MICU3: variants seen among roughly 807,000 people sequenced by gnomAD.
MICU3 encodes calcium uptake protein 3, mitochondrial.
In MICU3, 62 loss-of-function variants were observed where a neutral mutation model predicts 66.5. That is an observed-to-expected ratio of 0.93 (90% CI 0.76 to 1.15). MICU3 has a LOEUF of 1.15. Ranked by LOEUF, MICU3 falls within the 50% of genes most tolerant of loss-of-function variation. MICU3 has a pLI of 0.00. For missense variants in MICU3, 779 were observed against 664.4 expected (o/e 1.17, Z -1.90); for synonymous variants, 308 against 240.7 (o/e 1.28, Z -2.59).
chr8:17,048,173 A>C (rs1815414282), intron 1 of MICU3, among the ~76,000 whole-genome samples: 4 of 152,228 alleles, frequency 2.6e-5, no homozygotes, highest in Admixed American at 2.6e-4. Flanking sequence ...AAAACCTAGA[A>C]TGGAAAATAT....
intron 8 of MICU3, among the ~76,000 whole-genome samples, chr8:17,096,039 C>A (rs1800644731): frequency 6.6e-6 from 1 of 151,910 alleles, no homozygotes; most frequent in African/African-American, 2.4e-5. Context: ...ACTGTATATT[C>A]TTTTACCTCT....
chr8:17,098,609 C>T (rs1180074783), intron 9 of MICU3, 56 bp downstream of exon 9: 45 of 1,157,300 alleles, frequency 3.9e-5, no homozygotes, highest in Middle Eastern at 3.9e-4. Flanking sequence ...TTAATCTAGT[C>T]GTCATTTCAT....
intron 7 of MICU3, 81 bp from the exon 8 acceptor site, chr8:17,090,465 T>C: frequency 8.1e-7 from 1 of 1,233,080 alleles, no homozygotes; most frequent in Non-Finnish European, 1.2e-6. Context: ...TATTTTGTCG[T>C]CTTTTTCCTT....
chr8:17,057,567 G>A (rs1173704057), intron 1 of MICU3, among the ~76,000 whole-genome samples: 1 of 151,978 alleles, frequency 6.6e-6, no homozygotes, highest in African/African-American at 2.4e-5. Context: ...ATTAATATAA[G>A]TTATAATCTG....
chr8:17,093,809 T>C (rs1296829243), intron 8 of MICU3, among the ~76,000 whole-genome samples: 3 of 151,992 alleles, frequency 2.0e-5, no homozygotes, highest in Non-Finnish European at 4.4e-5. Flanking sequence ...TGTTTTGTAC[T>C]ACTTACTGTT....
At position 17,121,772 on chromosome 8, in the gene MICU3, ATAT is replaced by A. The variant is rs1803213092; in HGVS notation, c.*1490_*1492del. ...TTAGACTTTTTACATTGTTTATCTA[ATAT>A]TATTTATGACAGTAATTTTAAAATA... On this transcript the variant is annotated 3_prime_UTR_variant, in exon 15 of 15. Transcript: ENST00000318063. 6.6e-6 allele frequency: 1 copy of A among 152,124 alleles called. No homozygotes were observed. The highest frequency in any genetic ancestry group is 1.9e-4 in the East Asian group (1 of 5,196). 9.4% of individuals were successfully genotyped at this position (152,124 alleles called of 1,614,324 possible).
Position 17,027,507 on chromosome 8 carries a change from G to A in MICU3, c.228G>A (p.Gly76=), listed in dbSNP as rs1374485340. Residue 76 remains glycine, a synonymous_variant, in exon 1 of 15, where the codon GGG becomes GGA. Transcript: ENST00000318063. The part of the protein sequence containing the change: ...ELSVAAAAGG[G]LVGLVCYQLY... ...GCGTGGCGGCGGCGGCCGGCGGGGG[G>A]CTGGTCGGCCTGGTATGCTACCAGC... 1.1e-5 allele frequency: 14 copies of A among 1,283,960 alleles called. No homozygotes were observed. In the East Asian group the frequency reaches 1.2e-4, roughly 11 times the overall value. 79.5% of individuals were successfully genotyped at this position (1,283,960 alleles called of 1,614,324 possible).
intron 5 of MICU3, chr8:17,082,082 A>T (rs1821265679): frequency 5.6e-6 from 1 of 179,690 alleles, no homozygotes; most frequent in Admixed American, 6.3e-5. Flanking sequence ...TGCCAGACTG[A>T]TGTGAGAGAG....
chr8:17,034,300 C>G (rs1477225784), intron 1 of MICU3, among the ~76,000 whole-genome samples: 1 of 152,186 alleles, frequency 6.6e-6, no homozygotes. Flanking sequence ...AATATTACTG[C>G]TCATTGACAA....
At chr8:17,135,171 C>A in the MICU3 span, among the ~76,000 whole-genome samples, 173 of 152,208 alleles carry the variant, frequency 1.1e-3, no homozygotes, top group African/African-American at 3.8e-3. Flanking sequence ...AAGGCCAGGG[C>A]AGGTGGACCA....
chr8:17,065,254 A>G (rs1650151584), intron 2 of MICU3, among the ~76,000 whole-genome samples: 1 of 152,198 alleles, frequency 6.6e-6, no homozygotes, highest in Admixed American at 6.6e-5. Flanking sequence ...AGACAGCAAT[A>G]TGGCAAAAAT....
At chr8:17,071,741 A>C (rs1171323823) in intron 3 of MICU3, among the ~76,000 whole-genome samples, 1 of 152,208 alleles carries the variant, frequency 6.6e-6, no homozygotes, top group Non-Finnish European at 1.5e-5. Context: ...ATATAACAGC[A>C]ATAAACCAAA....
At chr8:17,089,638 C>T (rs1055882150) in intron 7 of MICU3, among the ~76,000 whole-genome samples, 1 of 151,954 alleles carries the variant, frequency 6.6e-6, no homozygotes, top group African/African-American at 2.4e-5. Context: ...GAGTATTAGC[C>T]CTGCCACTCA....
At chr8:17,075,036 A>G (rs1046894206) in intron 3 of MICU3, among the ~76,000 whole-genome samples, 1 of 152,114 alleles carries the variant, frequency 6.6e-6, no homozygotes, top group African/African-American at 2.4e-5. Flanking sequence ...ATGATTTGCT[A>G]TAATGAATCA....
chr8:17,068,866 A>G (rs1374845653), intron 2 of MICU3, among the ~76,000 whole-genome samples: 2 of 152,176 alleles, frequency 1.3e-5, no homozygotes, highest in East Asian at 3.8e-4. Context: ...GAAATAATTA[A>G]TATTAACCAG....
intron 3 of MICU3, 41 bp downstream of exon 3, chr8:17,069,760 G>A (rs372697343): frequency 2.7e-4 from 231 of 869,968 alleles, no homozygotes; most frequent in Non-Finnish European, 1.2e-4. Context: ...AATTTTATAT[G>A]TGCATGCATA....
At chr8:17,098,626 C>A in intron 9 of MICU3, 73 bp downstream of exon 9, 1 of 1,005,588 alleles carries the variant, frequency 9.9e-7, no homozygotes, top group South Asian at 1.3e-5. Flanking sequence ...TCATTTTAGT[C>A]ACAGTGATGA....
Position 17,120,848 on chromosome 8 carries a change from A to C in MICU3, c.*561A>C. 6.6e-6 allele frequency: 1 copy of C among 152,452 alleles called. No individual in the cohort carries two copies. Among genetic ancestry groups the C allele is most frequent in the East Asian group, 1.9e-4 (1 of 5,206 alleles). The allele number at this position is 152,452 out of a possible 1,614,324, so 9.4% of individuals were successfully genotyped here. A position where few individuals can be genotyped will look rare whatever the true frequency, so the allele number is the denominator to read the frequency against. On this transcript the variant is annotated 3_prime_UTR_variant, in exon 15 of 15. Coordinates refer to ENST00000318063, the MANE Select transcript of MICU3 (RefSeq NM_181723.3). Reference sequence around the variant, plus strand: ...AGAAATTAAGCTACTATATAAAACAATTGTTTACGTGTACTTTTAACTTTT... The same window carrying C: ...AGAAATTAAGCTACTATATAAAACACTTGTTTACGTGTACTTTTAACTTTT...
chr8:17,112,152 T>G (rs1157548287), intron 11 of MICU3, among the ~76,000 whole-genome samples: 1 of 152,080 alleles, frequency 6.6e-6, no homozygotes, highest in Non-Finnish European at 1.5e-5. Context: ...GGATTGCAAT[T>G]TGAGATGAGA....
Sources: allele counts gnomAD v4.1 joint callset (sites outside exome capture counted in the v4.1 genomes callset), GRCh38; gene constraint gnomAD v4.1.1; transcripts MANE v1.5; gene names NCBI Gene and HGNC (gene_info 2026-07-23, HGNC 2026-07-21).